YEATS2: variants seen among roughly 807,000 people sequenced by gnomAD.
The protein encoded by YEATS2 is YEATS domain containing 2, also known as YEATS domain-containing protein 2.
A neutral mutation model predicts 163.2 loss-of-function variants in YEATS2; 77 were observed. The ratio of observed to expected loss-of-function variants is 0.47; its 90% CI spans 0.39 to 0.57. YEATS2 has a LOEUF of 0.57. Among genes scored for constraint, YEATS2 ranks in the 20% least tolerant of loss-of-function variants. The pLI, the probability that YEATS2 is intolerant of heterozygous loss-of-function variation, is 0.00. For synonymous variants in YEATS2, 631 were observed against 645.1 expected, an observed-to-expected ratio of 0.98 and a Z score of 0.33; for missense variants, 1,549 against 1,729.8, an observed-to-expected ratio of 0.90 and a Z score of 1.85.
At chr3:183,772,631 T>G (rs1722588915) in intron 16 of YEATS2, 68 bp downstream of exon 16, 3 of 1,585,190 alleles carry the variant, frequency 1.9e-6, no homozygotes, top group Non-Finnish European at 2.6e-6. Flanking sequence ...TGCTAGTGAT[T>G]TTATTTGCTA....
At chr3:183,803,869 T>C (rs1260738013) in intron 26 of YEATS2, 118 bp from the exon 27 acceptor site, 38 of 1,159,704 alleles carry the variant, frequency 3.3e-5, no homozygotes, top group East Asian at 1.0e-4. Flanking sequence ...GGTTTTTTTC[T>C]TTAAAAAAAA....
intron 1 of YEATS2, among the ~76,000 whole-genome samples, chr3:183,702,701 G>A (rs1370359361): frequency 6.6e-6 from 1 of 151,712 alleles, no homozygotes; most frequent in Non-Finnish European, 1.5e-5. Context: ...TAGACGTGGT[G>A]GTGTGCGCCT....
chr3:183,722,260 A>G, intron 5 of YEATS2, 124 bp downstream of exon 5: 1 of 764,538 alleles, frequency 1.3e-6, no homozygotes, highest in Non-Finnish European at 1.9e-6. Context: ...TTTTCCTTTT[A>G]TAATGGGGAA....
chr3:183,810,472 C>T lies in YEATS2; in HGVS notation c.4161-3C>T, dbSNP rs774439735. On this transcript the variant is annotated splice_region_variant and splice_polypyrimidine_tract_variant and intron_variant, in intron 30 of 30. Coordinates refer to ENST00000305135, the MANE Select transcript of YEATS2 (RefSeq NM_018023.5). ...TGGTAACACCCTTTGTTTTTTGGACCAGGATTCCCAAAGAAATTACAGTGA... is the reference window on the plus strand; with the variant it reads ...TGGTAACACCCTTTGTTTTTTGGACTAGGATTCCCAAAGAAATTACAGTGA... The T allele has an allele frequency of 1.2e-5, 20 of 1,612,728 alleles. No homozygotes were observed. Among genetic ancestry groups the T allele is most frequent in the East Asian group, 2.2e-5 (1 of 44,874 alleles).
At chr3:183,754,060 C>T in intron 10 of YEATS2, 66 bp from the exon 11 acceptor site, 4 of 1,448,246 alleles carry the variant, frequency 2.8e-6, no homozygotes, top group South Asian at 1.6e-5. Context: ...ATTCTTTTTC[C>T]ACAACGGTAA....
chr3:183,804,095 C>T lies in YEATS2; in HGVS notation c.3691C>T (p.Arg1231Cys), dbSNP rs746029467. 1.3e-5 allele frequency: 21 copies of T among 1,614,020 alleles called. No individual in the cohort carries two copies. Among genetic ancestry groups the T allele is most frequent in the Non-Finnish European group, 1.5e-5 (18 of 1,180,042 alleles). Residue 1231 changes from arginine (R) to cysteine (C), a missense_variant, in exon 27 of 31, where the codon CGC becomes TGC. By Grantham distance (180) the Arg-to-Cys change is radical (BLOSUM62 -3). Coordinates refer to ENST00000305135, the MANE Select transcript of YEATS2 (RefSeq NM_018023.5). Reference sequence around the variant, plus strand: ...AACCAAGCACATCGCTCACTGGTGCCGCTGTCATGGCTACACCCCACCGGA... The same window carrying T: ...AACCAAGCACATCGCTCACTGGTGCTGCTGTCATGGCTACACCCCACCGGA... ...LKTKHIAHWC[R>C]CHGYTPPDPE... is the part of the protein sequence containing the mutation.
intron 8 of YEATS2, among the ~76,000 whole-genome samples, chr3:183,744,144 G>A (rs1214033427): frequency 6.3e-5 from 7 of 110,948 alleles, no homozygotes; most frequent in South Asian, 6.1e-4. Context: ...ACAGAATCTC[G>A]GTCTGTTGCC....
chr3:183,705,591 C>CT (rs1413040377), intron 1 of YEATS2, among the ~76,000 whole-genome samples: 1 of 151,910 alleles, frequency 6.6e-6, no homozygotes, highest in Non-Finnish European at 1.5e-5. Context: ...TTGCATGTGT[C>CT]TGTGTATAAT....
At chr3:183,749,301 T>C (rs1020184441) in intron 9 of YEATS2, among the ~76,000 whole-genome samples, 4 of 152,234 alleles carry the variant, frequency 2.6e-5, no homozygotes. Context: ...ATTTACCGTC[T>C]TACCCATTTT....
chr3:183,767,282 G>A (rs1721999717), intron 15 of YEATS2, among the ~76,000 whole-genome samples: 1 of 152,132 alleles, frequency 6.6e-6, no homozygotes, highest in African/African-American at 2.4e-5. Context: ...CTGGAGTGCA[G>A]TGGTGCAGTC....
intron 1 of YEATS2, among the ~76,000 whole-genome samples, chr3:183,702,595 G>A (rs1714210753): frequency 6.6e-6 from 1 of 152,134 alleles, no homozygotes. Flanking sequence ...TCAGCACTTT[G>A]GGAGGCTGAG....
In YEATS2 at chr3:183,810,829, C is replaced by T. The variant is rs1035318618; in HGVS notation, c.*246C>T. Reference sequence around the variant, plus strand: ...AGTGGATCCGTGCTTTGTCGGCCAGCGTTTCTGCAGTCTTTGTAAAGGCCC... The same window carrying T: ...AGTGGATCCGTGCTTTGTCGGCCAGTGTTTCTGCAGTCTTTGTAAAGGCCC... On this transcript the variant is annotated 3_prime_UTR_variant, in exon 31 of 31. Transcript: ENST00000305135. The T allele has an allele frequency of 8.3e-6, 4 of 484,518 alleles. No individual in the cohort carries two copies. Among genetic ancestry groups the T allele is most frequent in the African/African-American group, 2.0e-5 (1 of 51,140 alleles). The allele number at this position is 484,518 out of a possible 1,614,324, so 30.0% of individuals were successfully genotyped here.
chr3:183,773,837 C>T, intron 17 of YEATS2, 43 bp downstream of exon 17: 1 of 1,562,296 alleles, frequency 6.4e-7, no homozygotes, highest in South Asian at 1.2e-5. Context: ...TCTTGGTTCT[C>T]TATGTGTGTT....
intron 2 of YEATS2, among the ~76,000 whole-genome samples, chr3:183,717,340 A>G (rs960825851): frequency 6.6e-6 from 1 of 152,184 alleles, no homozygotes; most frequent in African/African-American, 2.4e-5. Context: ...TTTAAATAGA[A>G]TAGGCCAATA....
Position 183,809,132 on chromosome 3 carries a change from G to A in YEATS2, c.4122G>A (p.Gln1374=). Reference sequence around the variant, plus strand: ...AGCTGGTGAATGATATCCTGAGACAGGCTTTGGCAGTTGGATACCAGACAG... The same window carrying A: ...AGCTGGTGAATGATATCCTGAGACAAGCTTTGGCAGTTGGATACCAGACAG... The part of the protein sequence containing the change: ...TEQLVNDILR[Q]ALAVGYQTAS... Residue 1374 remains glutamine, a synonymous_variant, in exon 30 of 31, where the codon CAG becomes CAA. Transcript: ENST00000305135. The A allele has an allele frequency of 3.7e-6, 6 of 1,614,162 alleles. No homozygotes were observed. Among genetic ancestry groups the A allele is most frequent in the Non-Finnish European group, 3.4e-6 (4 of 1,180,016 alleles).
intron 15 of YEATS2, among the ~76,000 whole-genome samples, chr3:183,767,721 T>G (rs1722050250): frequency 6.6e-6 from 1 of 151,710 alleles, no homozygotes; most frequent in South Asian, 2.1e-4. Context: ...TTTACCATGT[T>G]CATCACGCTG....
chr3:183,803,200 G>A (rs143128332), intron 25 of YEATS2, 56 bp from the exon 26 acceptor site: 15 of 1,573,428 alleles, frequency 9.5e-6, no homozygotes, highest in East Asian at 4.5e-5. Flanking sequence ...AGCAAATGAC[G>A]TGTGGTTGGA....
chr3:183,778,706 G>C (rs1312350918), intron 19 of YEATS2, among the ~76,000 whole-genome samples: 1 of 152,148 alleles, frequency 6.6e-6, no homozygotes, highest in East Asian at 1.9e-4. Flanking sequence ...AGTAATTTCT[G>C]TCTGGTTTGG....
rs771013133 is a variant in YEATS2 at position 183,756,664 on chromosome 3, G to A, written c.1527G>A (p.Val509=). Residue 509 remains valine (V), a synonymous_variant, in exon 12 of 31, where the codon GTG becomes GTA. Coordinates refer to ENST00000305135, the MANE Select transcript of YEATS2 (RefSeq NM_018023.5). ...YVIMDKQPGQ[V]IGATTPSTGS... ...TCATGGACAAGCAGCCGGGGCAGGT[G>A]ATTGGAGCCACCACTCCCAGTACAG... 1.3e-6 allele frequency: 2 copies of A among 1,589,008 alleles called. No individual in the cohort carries two copies. Among genetic ancestry groups the A allele is most frequent in the Non-Finnish European group, 1.7e-6 (2 of 1,167,684 alleles).
Sources: allele counts gnomAD v4.1 joint callset (sites outside exome capture counted in the v4.1 genomes callset), GRCh38; gene constraint gnomAD v4.1.1; transcripts MANE v1.5; gene names NCBI Gene and HGNC (gene_info 2026-07-23, HGNC 2026-07-21).